The following WDR41 variants were observed in gnomAD, a reference collection of about 807,000 sequenced individuals.
WDR41 encodes WD repeat domain 41.
A neutral mutation model predicts 69.3 loss-of-function variants in WDR41; 63 were observed. That is an observed-to-expected ratio of 0.91 (90% CI 0.74 to 1.12). WDR41 has a LOEUF of 1.12. Among genes scored for constraint, WDR41 ranks in the 50% most tolerant of loss-of-function variants. The probability of loss-of-function intolerance (pLI) is 0.00; values close to 1 mark genes in which losing one functional copy is unlikely to be tolerated. For synonymous variants in WDR41, 185 were observed against 192.1 expected (o/e 0.96, Z 0.31); for missense variants, 543 against 534.5 (o/e 1.02, Z -0.16).
chr5:77,602,230 T>C (rs6897312), intron 1 of WDR41, among the ~76,000 whole-genome samples: 109,059 of 151,754 alleles, frequency 0.72, 39,395 homozygotes, highest in Admixed American at 0.79. Flanking sequence ...ACCTCCATCT[T>C]ATGGGTTTAA....
chr5:77,497,513 G>A (rs1397523958), intron 1 of WDR41, among the ~76,000 whole-genome samples: 1 of 152,076 alleles, frequency 6.6e-6, no homozygotes, highest in African/African-American at 2.4e-5. Flanking sequence ...AACATAATTA[G>A]TCATTAGAAA....
chr5:77,433,256 A>C lies in WDR41; in HGVS notation c.1259T>G (p.Val420Gly). 5 of 1,613,840 alleles carry C rather than the reference A, an allele frequency of 3.1e-6. No individual in the cohort carries two copies. Among genetic ancestry groups the C allele is most frequent in the Non-Finnish European group, 3.4e-6 (4 of 1,179,934 alleles). The change falls in exon 13 of 13, where the codon GTG becomes GGG. Residue 420 changes from valine (V) to glycine (G), a missense_variant. Physicochemically the swap from Val to Gly is moderately radical, Grantham distance 109. Coordinates refer to ENST00000296679, the MANE Select transcript of WDR41 (RefSeq NM_018268.4). ...AATGAGATGATCAGCGGAGCACGTC[A>C]CTAGTCCATGATCTTCAAAGTATAG... Reference protein sequence around the residue: ...MFLYFEDHGLVTCSADHLIIL... With the variant: ...MFLYFEDHGLGTCSADHLIIL...
At position 77,453,862 on chromosome 5, in the gene WDR41, G is replaced by T; in HGVS notation, c.478C>A (p.Arg160=). ...SGGNDLCVWN[R]KLDLLCKTSH... ...GTCTTACACAGGAGATCTAATTTTC[G>T]GTTCCACACACACAGGTCATTCCCA... The change falls in exon 6 of 13, where the codon CGA becomes AGA. Residue 160 remains arginine, a synonymous_variant. Transcript: ENST00000296679. 6.2e-6 allele frequency: 10 copies of T among 1,613,864 alleles called. No homozygotes were observed. The highest frequency in any genetic ancestry group is 8.5e-6 in the Non-Finnish European group (10 of 1,179,976).
chr5:77,511,038 T>C (rs1341696875), intron 1 of WDR41, among the ~76,000 whole-genome samples: 1 of 152,104 alleles, frequency 6.6e-6, no homozygotes, highest in African/African-American at 2.4e-5. Flanking sequence ...GTTACAGGTG[T>C]GAGCCACCAC....
intron 1 of WDR41, among the ~76,000 whole-genome samples, chr5:77,490,173 A>T (rs1801709546): frequency 6.6e-6 from 1 of 152,054 alleles, no homozygotes; most frequent in Non-Finnish European, 1.5e-5. Context: ...CACGTTGGCG[A>T]GACTGGTCTT....
chr5:77,438,500 ATC>A, intron 9 of WDR41, 139 bp from the exon 10 acceptor site: 1 of 1,242,602 alleles, frequency 8.0e-7, no homozygotes, highest in Non-Finnish European at 1.1e-6. Flanking sequence ...TACAGTACTA[ATC>A]TCTGAAACCC....
chr5:77,492,327 T>A (rs560264281), upstream of WDR41: 9 of 1,451,490 alleles, frequency 6.2e-6, no homozygotes, highest in African/African-American at 1.4e-5. Flanking sequence ...GAGACGCTAA[T>A]ACTTCCCGCC....
chr5:77,600,740 G>A (rs1206052388), intron 1 of WDR41, among the ~76,000 whole-genome samples: 1 of 151,956 alleles, frequency 6.6e-6, no homozygotes, highest in Non-Finnish European at 1.5e-5. Flanking sequence ...ATTAGCCGGG[G>A]GCAGTGGCAG....
At chr5:77,547,256 T>C (rs1364751950) in intron 1 of WDR41, among the ~76,000 whole-genome samples, 1 of 152,024 alleles carries the variant, frequency 6.6e-6, no homozygotes, top group Non-Finnish European at 1.5e-5. Flanking sequence ...ATCATAGTAC[T>C]GGAAGTCCTA....
Position 77,610,689 on chromosome 5 carries a change from T to C in WDR41, c.42+9790A>G, listed in dbSNP as rs962785392. 5.0e-3 allele frequency among the ~76,000 whole-genome samples: 764 copies of C among 152,312 alleles called. 10 individuals are homozygous for C. The highest frequency in any genetic ancestry group is 0.017 in the African/African-American group (727 of 41,560). ...ATGGAAAGGAACAACCAGTACAAGC[T>C]GCTGCAAAATCATGCCAAAATGTAA... is the stretch of plus-strand genomic sequence containing the variant. On this transcript the variant is annotated intron_variant, in intron 1 of 5. Transcript: ENST00000509971.
At chr5:77,550,619 T>C (rs1049296938) in intron 1 of WDR41, among the ~76,000 whole-genome samples, 1 of 152,196 alleles carries the variant, frequency 6.6e-6, no homozygotes, top group African/African-American at 2.4e-5. Flanking sequence ...AGAGAATGCT[T>C]ATACACTGTT....
At chr5:77,558,559 A>C (rs1743457915) in intron 1 of WDR41, among the ~76,000 whole-genome samples, 1 of 152,186 alleles carries the variant, frequency 6.6e-6, no homozygotes. Flanking sequence ...TCCAATTTGA[A>C]AACGACCTTG....
intron 1 of WDR41, among the ~76,000 whole-genome samples, chr5:77,610,953 G>C (rs1469684016): frequency 6.6e-6 from 1 of 152,116 alleles, no homozygotes; most frequent in Non-Finnish European, 1.5e-5. Flanking sequence ...ATAAAAGGAT[G>C]GAGGAAGATC....
upstream of WDR41, among the ~76,000 whole-genome samples, chr5:77,496,012 G>A (rs1801927524): frequency 6.6e-6 from 1 of 151,878 alleles, no homozygotes; most frequent in African/African-American, 2.4e-5. Flanking sequence ...AACAAAGGAA[G>A]ATAACCACAA....
intron 1 of WDR41, among the ~76,000 whole-genome samples, chr5:77,501,872 T>A (rs550509169): frequency 9.7e-4 from 148 of 151,958 alleles, no homozygotes; most frequent in African/African-American, 3.5e-3. Context: ...CATTGGTAGG[T>A]CACCAACATC....
intron 1 of WDR41, among the ~76,000 whole-genome samples, chr5:77,612,675 A>G (rs948115392): frequency 6.6e-6 from 1 of 152,208 alleles, no homozygotes; most frequent in Non-Finnish European, 1.5e-5. Context: ...TGACAAACCC[A>G]CAGCCAATAT....
intron 1 of WDR41, among the ~76,000 whole-genome samples, chr5:77,552,798 A>G (rs1306176798): frequency 6.6e-6 from 1 of 152,222 alleles, no homozygotes; most frequent in Non-Finnish European, 1.5e-5. Context: ...GAGGAGGAAT[A>G]ACCTTTTCAA....
At chr5:77,462,953 T>C in intron 4 of WDR41, 142 bp downstream of exon 4, 1 of 802,596 alleles carries the variant, frequency 1.2e-6, no homozygotes. Flanking sequence ...TAATAAATGG[T>C]ATCTTATAAG....
rs1250004306 is a variant in WDR41 at position 77,588,959 on chromosome 5, T to C, written c.42+31520A>G. 5.9e-5 allele frequency among the ~76,000 whole-genome samples: 9 copies of C among 152,294 alleles called. No individual in the cohort carries two copies. The East Asian group carries it at 1.5e-3, about 26-fold the overall frequency. On this transcript the variant is annotated intron_variant, in intron 1 of 5. Coordinates refer to the WDR41 transcript ENST00000509971. ...CAGCAAGCACTTCAGCACTACTCTT[T>C]GTGGCCATTTAAATAGCAAAATCAT... is the stretch of plus-strand genomic sequence containing the variant.
Sources: gnomAD v4.1 joint callset for allele counts (sites outside exome capture counted in the v4.1 genomes callset) on GRCh38, gnomAD v4.1.1 for gene constraint, MANE v1.5 for transcripts, NCBI Gene and HGNC (gene_info 2026-07-23, HGNC 2026-07-21) for gene names.